The following MX1 variants were observed in gnomAD, a reference collection of about 807,000 sequenced individuals.
MX1 encodes MX dynamin like GTPase 1.
Under a neutral mutation model 66.4 loss-of-function variants are expected in MX1, and 66 were observed. The ratio of observed to expected loss-of-function variants is 0.99; its 90% CI spans 0.82 to 1.22. The LOEUF (loss-of-function observed/expected upper bound fraction) is 1.22. Among genes scored for constraint, MX1 ranks in the 50% most tolerant of loss-of-function variants. The probability of loss-of-function intolerance (pLI) is 0.00; values close to 1 mark genes in which losing one functional copy is unlikely to be tolerated. For missense variants in MX1, 787 were observed against 834.3 expected (o/e 0.94, Z 0.70); for synonymous variants, 311 against 318.1 (o/e 0.98, Z 0.24).
upstream of MX1, among the ~76,000 whole-genome samples, chr21:41,422,509 C>G (rs185160823): frequency 6.6e-6 from 1 of 152,220 alleles, no homozygotes; most frequent in African/African-American, 2.4e-5. Flanking sequence ...GGCAGAGGGA[C>G]AGGCATCAAC....
rs374140245 is a variant in MX1, at chr21:41,451,068, AACTTT to A, written c.1433-94_1433-90del. 617 of 783,532 alleles carry A rather than the reference AACTTT, an allele frequency of 7.9e-4. 4 individuals are homozygous for A. The African/African-American group carries it at 9.7e-3, about 12-fold the overall frequency. 48.5% of individuals were successfully genotyped at this position (783,532 alleles called of 1,614,324 possible). A position where few individuals can be genotyped will look rare whatever the true frequency, so the allele number is the denominator to read the frequency against. The stretch of plus-strand genomic sequence containing the variant: ...AGAAGAAGGGAGCGGGGAGAGGGGA[AACTTT>A]ACTTCATACCATTTGATCCTCATAT... On this transcript the variant is annotated intron_variant, in intron 14 of 16. Transcript: ENST00000398598.
At chr21:41,442,922 CA>C (rs1568984178) in intron 10 of MX1, among the ~76,000 whole-genome samples, 1 of 152,106 alleles carries the variant, frequency 6.6e-6, no homozygotes, top group Non-Finnish European at 1.5e-5. Flanking sequence ...TTCATAGAGA[CA>C]GAAAGAATGA....
chr21:41,431,819 T>G, intron 4 of MX1: 1 of 459,658 alleles, frequency 2.2e-6, no homozygotes, highest in Non-Finnish European at 4.0e-6. Context: ...GCAGCGTTTG[T>G]CTTTATCTGA....
chr21:41,445,618 A>C, intron 12 of MX1, 48 bp downstream of exon 12: 1 of 1,608,646 alleles, frequency 6.2e-7, no homozygotes, highest in South Asian at 1.1e-5. Flanking sequence ...TGTCATGGTC[A>C]AAAAAGGGAC....
upstream of MX1, among the ~76,000 whole-genome samples, chr21:41,423,915 C>T (rs1190529099): frequency 2.0e-5 from 3 of 152,166 alleles, no homozygotes; most frequent in Admixed American, 6.5e-5. Flanking sequence ...CTGGGCAGGG[C>T]GCCTCACTGC....
chr21:41,440,653 A>G (rs192778545), intron 8 of MX1, among the ~76,000 whole-genome samples: 44 of 152,272 alleles, frequency 2.9e-4, no homozygotes, highest in Admixed American at 2.8e-3. Flanking sequence ...CTGAAACTTC[A>G]TGGTTTTCCC....
chr21:41,441,006 C>T lies in MX1; in HGVS notation c.711C>T (p.Pro237=), dbSNP rs778162653. 24 of 1,613,864 alleles carry T rather than the reference C, an allele frequency of 1.5e-5. No homozygotes were observed. Among genetic ancestry groups the T allele is most frequent in the Admixed American group, 5.0e-5 (3 of 60,010 alleles). ...EALSMAQEVD[P]EGDRTIGILT... ...TCAGCATGGCCCAGGAGGTGGACCC[C>T]GAGGGAGACAGGACCATCGGTGAGA... The change falls in exon 9 of 17, where the codon CCC becomes CCT. Residue 237 remains proline, a synonymous_variant. Transcript: ENST00000398598. The surrounding 1 kb of genome is among the most constrained non-coding windows in gnomAD (Gnocchi z 4.0).
intron 16 of MX1, 56 bp from the exon 17 acceptor site, chr21:41,458,472 A>AGTCCCCTCCTCACAGT (rs71285082): frequency 0.027 from 42,104 of 1,571,076 alleles, 3,364 homozygotes; most frequent in East Asian, 0.22. Flanking sequence ...GTGAGGTCAG[A>AGTCCCCTCCTCACAGT]GTCCCCTCCT....
At position 41,441,638 on chromosome 21, in the gene MX1, CG is replaced by C; in HGVS notation, c.731-73del. On this transcript the variant is annotated intron_variant, in intron 9 of 16. Transcript: ENST00000398598. The surrounding 1 kb of genome is among the most constrained non-coding windows in gnomAD (Gnocchi z 4.0). Reference sequence around the variant, plus strand: ...AGGATGGGAGGAAACCCTGGGAGGCCGGGGGCGTGAGCAGTTGTTCGTTCAC... The same window carrying C: ...AGGATGGGAGGAAACCCTGGGAGGCCGGGGCGTGAGCAGTTGTTCGTTCAC... 1.4e-6 allele frequency: 2 copies of C among 1,472,752 alleles called. No individual in the cohort carries two copies. The highest frequency in any genetic ancestry group is 1.7e-5 in the Admixed American group (1 of 59,648). The allele number at this position is 1,472,752 out of a possible 1,614,324, so 91.2% of individuals were successfully genotyped here.
At chr21:41,456,576 C>T (rs1601546432) in intron 16 of MX1, among the ~76,000 whole-genome samples, 2 of 152,280 alleles carry the variant, frequency 1.3e-5, no homozygotes, top group East Asian at 3.9e-4. Flanking sequence ...ACCTCCGCAG[C>T]AATACCTAGA....
At chr21:41,443,538 A>G in intron 10 of MX1, 1 of 519,908 alleles carries the variant, frequency 1.9e-6, no homozygotes, top group Non-Finnish European at 3.5e-6. Context: ...ATAGTCAGAC[A>G]CCATGATACA....
At chr21:41,448,350 A>G (rs1470513305) in intron 13 of MX1, among the ~76,000 whole-genome samples, 1 of 152,242 alleles carries the variant, frequency 6.6e-6, no homozygotes, top group African/African-American at 2.4e-5. Flanking sequence ...ACACATGGCA[A>G]TACTTTCGAC....
intron 16 of MX1, among the ~76,000 whole-genome samples, chr21:41,455,018 T>G (rs1188352656): frequency 6.6e-6 from 1 of 152,024 alleles, no homozygotes; most frequent in Non-Finnish European, 1.5e-5. Flanking sequence ...GCAATTCACC[T>G]GCCTCAGCCT....
At chr21:41,435,808 G>A (rs1311317528) in intron 5 of MX1, 29 bp from the exon 6 acceptor site, 3 of 1,591,578 alleles carry the variant, frequency 1.9e-6, no homozygotes, top group Non-Finnish European at 2.6e-6. Context: ...TGCAGGCCAT[G>A]AAGAATTCTC....
intron 12 of MX1, 156 bp downstream of exon 12, chr21:41,445,726 G>A: frequency 9.1e-7 from 1 of 1,096,994 alleles, no homozygotes; most frequent in Non-Finnish European, 1.3e-6. Context: ...AGGGAGGCAG[G>A]GCAGGGAGTG....
chr21:41,454,871 T>C (rs2090921810), intron 16 of MX1, among the ~76,000 whole-genome samples: 1 of 151,982 alleles, frequency 6.6e-6, no homozygotes, highest in Non-Finnish European at 1.5e-5. Flanking sequence ...ATGCAGATGC[T>C]GATTGCAGGT....
intron 14 of MX1, 154 bp downstream of exon 14, chr21:41,449,449 A>G: frequency 1.5e-6 from 1 of 667,626 alleles, no homozygotes; most frequent in Non-Finnish European, 2.4e-6. Flanking sequence ...GGTATTCAAC[A>G]ATTCAATTCA....
At chr21:41,448,066 T>C (rs2090714106) in intron 13 of MX1, among the ~76,000 whole-genome samples, 1 of 152,224 alleles carries the variant, frequency 6.6e-6, no homozygotes, top group South Asian at 2.1e-4. Flanking sequence ...TGTTATACTA[T>C]GTAAATGACA....
intron 13 of MX1, among the ~76,000 whole-genome samples, chr21:41,447,037 G>A (rs532774580): frequency 4.1e-4 from 63 of 152,278 alleles, no homozygotes; most frequent in Non-Finnish European, 7.8e-4. Flanking sequence ...TCTGTGTGTA[G>A]CGGTTGGCTT....
Sources: gnomAD v4.1 joint callset for allele counts (sites outside exome capture counted in the v4.1 genomes callset) on GRCh38, gnomAD v4.1.1 for gene constraint, Gnocchi (gnomAD v3.1) non-coding constraint, MANE v1.5 for transcripts, NCBI Gene and HGNC (gene_info 2026-07-23, HGNC 2026-07-21) for gene names.